The following GDA variants were observed in gnomAD, a reference collection of about 807,000 sequenced individuals.
GDA encodes the protein guanine deaminase, also known as cytoplasmic PSD-95 interactor.
In GDA, 18 loss-of-function variants were observed where a neutral mutation model predicts 59.6. The observed-to-expected ratio is 0.30, with a 90% CI of 0.21 to 0.45. GDA has a LOEUF of 0.45. Among genes scored for constraint, GDA ranks in the 20% least tolerant of loss-of-function variants. The pLI is 1.00. For missense variants in GDA, 427 were observed against 552.3 expected (o/e 0.77, Z 2.27); for synonymous variants, 201 against 201.1 (o/e 1.00, Z 0.00).
At chr9:72,121,825 A>G (rs1380613992) in intron 1 of GDA, among the ~76,000 whole-genome samples, 3 of 152,246 alleles carry the variant, frequency 2.0e-5, no homozygotes, top group Middle Eastern at 3.4e-3. Flanking sequence ...CAACATCACC[A>G]ATTACCTTCT....
chr9:72,251,081 A>G lies in GDA; in HGVS notation c.*2739A>G. ...AGACCCCAAGAGGAGATATTGGAACAGGCTCCCTTCATGCCAAGGGTCTTT... is the reference window on the plus strand; with the variant it reads ...AGACCCCAAGAGGAGATATTGGAACGGGCTCCCTTCATGCCAAGGGTCTTT... On this transcript the variant is annotated 3_prime_UTR_variant, in exon 14 of 14. Transcript: ENST00000358399. 2 of 444,456 alleles carry G rather than the reference A, an allele frequency of 4.5e-6. No homozygotes were observed. The highest frequency in any genetic ancestry group is 8.1e-6 in the Non-Finnish European group (2 of 247,692). The allele number at this position is 444,456 out of a possible 1,614,324, so 27.5% of individuals were successfully genotyped here. A position where few individuals can be genotyped will look rare whatever the true frequency, so the allele number is the denominator to read the frequency against.
chr9:72,244,841 A>G (rs1839980211), intron 11 of GDA, among the ~76,000 whole-genome samples: 1 of 152,158 alleles, frequency 6.6e-6, no homozygotes, highest in African/African-American at 2.4e-5. Flanking sequence ...GATAAATGAA[A>G]AGCATAGACC....
intron 1 of GDA, among the ~76,000 whole-genome samples, chr9:72,178,071 G>A (rs541144086): frequency 1.3e-5 from 2 of 152,266 alleles, no homozygotes; most frequent in Admixed American, 1.3e-4. Context: ...GGGAAGCAAG[G>A]AAGCAACACA....
intron 1 of GDA, among the ~76,000 whole-genome samples, chr9:72,151,231 T>A (rs1827161715): frequency 2.6e-5 from 4 of 152,194 alleles, no homozygotes. Context: ...AAAATCATAC[T>A]GAAGTTATAA....
chr9:72,132,586 C>T lies in GDA; in HGVS notation c.-100+17753C>T, dbSNP rs138632840. Among the ~76,000 whole-genome samples, 381 of 152,246 alleles carry T rather than the reference C, an allele frequency of 2.5e-3. 1 individual carries two copies. Among genetic ancestry groups the T allele is most frequent in the African/African-American group, 8.1e-3 (338 of 41,504 alleles). ...TAGCCTATTTTTTAAATCATGTCAT[C>T]ACTCTGAAGATTTCCAAATCAGTCA... is the stretch of plus-strand genomic sequence containing the variant. On this transcript the variant is annotated intron_variant, in intron 1 of 13. Coordinates refer to the GDA transcript ENST00000545168.
chr9:72,203,825 C>A (rs561483152), intron 3 of GDA, among the ~76,000 whole-genome samples: 1 of 147,206 alleles, frequency 6.8e-6, no homozygotes, highest in African/African-American at 2.5e-5. Context: ...TTTTTTTCTT[C>A]TTTTTTTTGG....
chr9:72,158,932 G>A (rs1371254984), intron 1 of GDA, among the ~76,000 whole-genome samples: 1 of 152,004 alleles, frequency 6.6e-6, no homozygotes, highest in Non-Finnish European at 1.5e-5. Context: ...AGGAAACGGA[G>A]GCTCGGAGAG....
At chr9:72,182,679 C>T (rs748312290) in intron 1 of GDA, among the ~76,000 whole-genome samples, 8 of 152,104 alleles carry the variant, frequency 5.3e-5, no homozygotes, top group Non-Finnish European at 1.0e-4. Context: ...AATTTTCACC[C>T]ACTAGTTTTA....
At chr9:72,156,341 T>G (rs1827887313) in intron 1 of GDA, among the ~76,000 whole-genome samples, 1 of 152,210 alleles carries the variant, frequency 6.6e-6, no homozygotes, top group African/African-American at 2.4e-5. Context: ...CTTTCTCACC[T>G]GAGGCTACTT....
chr9:72,142,098 C>G (rs1440957846), intron 1 of GDA, among the ~76,000 whole-genome samples: 1 of 152,036 alleles, frequency 6.6e-6, no homozygotes, highest in African/African-American at 2.4e-5. Flanking sequence ...AAATGTTAGA[C>G]CTGCATTTGA....
intron 1 of GDA, among the ~76,000 whole-genome samples, chr9:72,168,390 CTTTTTT>C (rs77778231): frequency 9.4e-6 from 1 of 105,882 alleles, no homozygotes; most frequent in Non-Finnish European, 1.8e-5. Context: ...GAGACTTTGT[CTTTTTT>C]TTTTTTTTTT....
At chr9:72,143,806 C>T (rs1347101171) in intron 1 of GDA, among the ~76,000 whole-genome samples, 1 of 152,176 alleles carries the variant, frequency 6.6e-6, no homozygotes, top group African/African-American at 2.4e-5. Context: ...TCTAAACAAA[C>T]CACAAGGGTG....
intron 7 of GDA, 63 bp from the exon 8 acceptor site, chr9:72,225,614 G>C (rs1336543984): frequency 1.3e-6 from 1 of 771,852 alleles, no homozygotes; most frequent in Non-Finnish European, 2.2e-6. Flanking sequence ...TTTTGAGGTA[G>C]GAAGTGTAAT....
intron 1 of GDA, among the ~76,000 whole-genome samples, chr9:72,164,772 A>G (rs1020225477): frequency 6.6e-6 from 1 of 151,688 alleles, no homozygotes; most frequent in Admixed American, 6.6e-5. Flanking sequence ...TCATGAGGTC[A>G]GGAGATCGAG....
intron 1 of GDA, among the ~76,000 whole-genome samples, chr9:72,159,511 A>T (rs1028983488): frequency 2.9e-4 from 44 of 151,912 alleles, no homozygotes; most frequent in African/African-American, 1.1e-3. Context: ...TTCATGAATT[A>T]AAAAAAAATT....
intron 1 of GDA, among the ~76,000 whole-genome samples, chr9:72,185,919 G>A (rs1253527545): frequency 6.6e-6 from 1 of 152,168 alleles, no homozygotes; most frequent in Non-Finnish European, 1.5e-5. Context: ...TTAGCAGAAG[G>A]GAATCAATTT....
intron 1 of GDA, among the ~76,000 whole-genome samples, chr9:72,151,845 C>T (rs1457077584): frequency 6.6e-6 from 1 of 152,046 alleles, no homozygotes; most frequent in Non-Finnish European, 1.5e-5. Flanking sequence ...CCTCGTGATC[C>T]CCCTGCCTCG....
intron 3 of GDA, among the ~76,000 whole-genome samples, chr9:72,206,426 A>T (rs1445484321): frequency 1.3e-5 from 2 of 151,994 alleles, no homozygotes; most frequent in Admixed American, 6.6e-5. Context: ...AGTTTAATTT[A>T]AAAAAATTAT....
At chr9:72,226,949 C>T (rs1837677060) in intron 8 of GDA, among the ~76,000 whole-genome samples, 1 of 152,066 alleles carries the variant, frequency 6.6e-6, no homozygotes, top group Non-Finnish European at 1.5e-5. Flanking sequence ...AACCCCGTCT[C>T]TACTAAAAAT....
Sources: allele counts gnomAD v4.1 joint callset (sites outside exome capture counted in the v4.1 genomes callset), GRCh38; gene constraint gnomAD v4.1.1; transcripts MANE v1.5; gene names NCBI Gene and HGNC (gene_info 2026-07-23, HGNC 2026-07-21).